EPHA6: variants seen among roughly 807,000 people sequenced by gnomAD.
EPHA6 encodes ephrin type-A receptor 6.
A neutral mutation model predicts 112.0 loss-of-function variants in EPHA6; 50 were observed. The ratio of observed to expected loss-of-function variants is 0.45; its 90% CI spans 0.36 to 0.56. EPHA6 has a LOEUF of 0.56. Ranked by LOEUF, EPHA6 falls within the 20% of genes least tolerant of loss-of-function variation. EPHA6 has a pLI of 0.00. For synonymous variants in EPHA6, 529 were observed against 490.7 expected (o/e 1.08, Z -1.03); for missense variants, 1,280 against 1,417.4 (o/e 0.90, Z 1.56).
intron 14 of EPHA6, among the ~76,000 whole-genome samples, chr3:97,714,563 A>G (rs755653391): frequency 6.6e-6 from 1 of 152,240 alleles, no homozygotes; most frequent in South Asian, 2.1e-4. Flanking sequence ...GTTTTACACT[A>G]TAAAATAATT....
At chr3:97,549,052 T>C (rs2092995601) in intron 11 of EPHA6, among the ~76,000 whole-genome samples, 1 of 152,238 alleles carries the variant, frequency 6.6e-6, no homozygotes, top group Non-Finnish European at 1.5e-5. Context: ...AAGTCTAGCA[T>C]ATACAATTAT....
intron 3 of EPHA6, among the ~76,000 whole-genome samples, chr3:97,109,738 G>C (rs2047668134): frequency 6.6e-6 from 1 of 152,148 alleles, no homozygotes; most frequent in Non-Finnish European, 1.5e-5. Flanking sequence ...CAACGACAAT[G>C]TACTATGACA....
In EPHA6 at chr3:97,758,052, T is replaced by C. The variant is rs550381025; in HGVS notation, c.*9351T>C. Among the ~76,000 whole-genome samples the C allele has an allele frequency of 1.3e-5, 2 of 151,924 alleles. No individual in the cohort carries two copies. Among genetic ancestry groups the C allele is most frequent in the Admixed American group, 6.5e-5 (1 of 15,268 alleles). ...AATGAAAATTCTCCACTGGATGTTA[T>C]AAATTCAAAAAAAGAACATATATTT... is the stretch of plus-strand genomic sequence containing the variant. On this transcript the variant is annotated 3_prime_UTR_variant, in exon 18 of 18. Coordinates refer to ENST00000389672, the MANE Select transcript of EPHA6 (RefSeq NM_001080448.3).
At chr3:97,532,117 A>G (rs535677833) in intron 10 of EPHA6, among the ~76,000 whole-genome samples, 17 of 152,222 alleles carry the variant, frequency 1.1e-4, no homozygotes, top group African/African-American at 4.1e-4. Context: ...GATCAGGGAT[A>G]TCTATCAATA....
In EPHA6 at chr3:97,181,327, C is replaced by T. The variant is rs2076982919; in HGVS notation, c.1115-44937C>T. On this transcript the variant is annotated intron_variant, in intron 3 of 17. Transcript: ENST00000389672. ...AGCAATATGAATTTAAAACCAGGCACTATGAGTGGTCACCTGATTTTTGGT... is the reference window on the plus strand; with the variant it reads ...AGCAATATGAATTTAAAACCAGGCATTATGAGTGGTCACCTGATTTTTGGT... Among the ~76,000 whole-genome samples, 3 of 152,028 alleles carry T rather than the reference C, an allele frequency of 2.0e-5. No individual in the cohort carries two copies. In the South Asian group the frequency reaches 6.2e-4, roughly 32 times the overall value.
chr3:97,467,245 A>G (rs1252365738), intron 7 of EPHA6, among the ~76,000 whole-genome samples: 2 of 151,850 alleles, frequency 1.3e-5, no homozygotes, highest in Non-Finnish European at 2.9e-5. Context: ...GAATTTCCTC[A>G]AGAAATTATT....
intron 5 of EPHA6, among the ~76,000 whole-genome samples, chr3:97,314,150 G>A (rs375814838): frequency 4.0e-5 from 6 of 151,654 alleles, no homozygotes; most frequent in African/African-American, 1.4e-4. Context: ...TCTCCATTGT[G>A]TATTCTTGGC....
intron 9 of EPHA6, chr3:97,481,422 C>G: frequency 1.4e-6 from 2 of 1,421,100 alleles, no homozygotes; most frequent in Non-Finnish European, 2.0e-6. Context: ...GTTCGCCTTT[C>G]TCCAAAATAA....
At chr3:96,914,180 C>A (rs1433272027) in intron 2 of EPHA6, among the ~76,000 whole-genome samples, 1 of 151,972 alleles carries the variant, frequency 6.6e-6, no homozygotes, top group Non-Finnish European at 1.5e-5. Flanking sequence ...AGTTGCAGAC[C>A]TGCTGTTTAT....
At chr3:97,745,998 G>A (rs189058374) in intron 16 of EPHA6, among the ~76,000 whole-genome samples, 57 of 151,872 alleles carry the variant, frequency 3.8e-4, no homozygotes, top group Admixed American at 1.4e-3. Context: ...ATTTGTGCTC[G>A]TAGCTTATCA....
intron 10 of EPHA6, among the ~76,000 whole-genome samples, chr3:97,489,423 C>T (rs1303696564): frequency 1.3e-5 from 2 of 152,154 alleles, no homozygotes; most frequent in Admixed American, 6.5e-5. Flanking sequence ...CGGTGACTCA[C>T]GCCTGTAATC....
chr3:97,159,025 C>T (rs2076353669), intron 3 of EPHA6, among the ~76,000 whole-genome samples: 1 of 151,996 alleles, frequency 6.6e-6, no homozygotes, highest in African/African-American at 2.4e-5. Flanking sequence ...AGTTTGGGGT[C>T]CCAAAATTTA....
chr3:96,929,591 C>T (rs1019948310), intron 2 of EPHA6, among the ~76,000 whole-genome samples: 18 of 152,308 alleles, frequency 1.2e-4, no homozygotes, highest in African/African-American at 4.3e-4. Flanking sequence ...CCTGAGAGGT[C>T]TGCCGTTCGT....
chr3:97,113,720 T>C (rs970544387), intron 3 of EPHA6, among the ~76,000 whole-genome samples: 53 of 151,954 alleles, frequency 3.5e-4, no homozygotes, highest in African/African-American at 1.3e-3. Context: ...TCTCCCTCCT[T>C]CTCTCTCTCT....
intron 14 of EPHA6, among the ~76,000 whole-genome samples, chr3:97,705,376 A>G (rs1339673258): frequency 7.2e-5 from 11 of 152,082 alleles, no homozygotes; most frequent in Admixed American, 6.6e-4. Flanking sequence ...ACTCTCCACT[A>G]TCATGGCGCC....
chr3:96,954,560 A>G (rs1293116496), intron 2 of EPHA6, among the ~76,000 whole-genome samples: 2 of 152,146 alleles, frequency 1.3e-5, no homozygotes, highest in Non-Finnish European at 2.9e-5. Context: ...AAATATCACT[A>G]CACAGGGAGA....
chr3:97,539,311 C>A (rs1399140269), intron 11 of EPHA6, among the ~76,000 whole-genome samples: 1 of 151,676 alleles, frequency 6.6e-6, no homozygotes, highest in Non-Finnish European at 1.5e-5. Flanking sequence ...CCATGCCTGG[C>A]TAATTTTTGT....
intron 15 of EPHA6, among the ~76,000 whole-genome samples, chr3:97,726,124 T>G (rs1237678732): frequency 6.6e-6 from 1 of 152,168 alleles, no homozygotes; most frequent in Non-Finnish European, 1.5e-5. Flanking sequence ...TATTTTCTGT[T>G]GTAGGTAACC....
At chr3:97,333,909 G>T (rs1401575999) in intron 5 of EPHA6, among the ~76,000 whole-genome samples, 1 of 152,074 alleles carries the variant, frequency 6.6e-6, no homozygotes, top group Non-Finnish European at 1.5e-5. Context: ...ATTCAGTCTT[G>T]CACCATCAAA....
Sources: gnomAD v4.1 joint callset for allele counts (sites outside exome capture counted in the v4.1 genomes callset) on GRCh38, gnomAD v4.1.1 for gene constraint, MANE v1.5 for transcripts, NCBI Gene and HGNC (gene_info 2026-07-23, HGNC 2026-07-21) for gene names.